Variants in DLG2 observed in about 807,000 individuals in gnomAD.
DLG2 encodes discs large MAGUK scaffold protein 2.
DLG2 carries 45 observed loss-of-function variants against 132.5 expected under a neutral mutation model. The ratio of observed to expected loss-of-function variants is 0.34; its 90% CI spans 0.27 to 0.44. The LOEUF is 0.44. Ranked by LOEUF, DLG2 falls within the 20% of genes least tolerant of loss-of-function variation. The pLI, the probability that DLG2 is intolerant of heterozygous loss-of-function variation, is 1.00. For missense variants in DLG2, 1,045 were observed against 1,196.9 expected (o/e 0.87, Z 1.87); for synonymous variants, 424 against 419.6 (o/e 1.01, Z -0.13).
intron 3 of DLG2, among the ~76,000 whole-genome samples, chr11:85,387,680 CA>C (rs1353722870): frequency 1.3e-5 from 2 of 152,174 alleles, no homozygotes; most frequent in African/African-American, 4.8e-5. Flanking sequence ...CCACCATGTG[CA>C]AAAGGGCATC....
chr11:84,041,147 C>A (rs2096067984), intron 11 of DLG2, among the ~76,000 whole-genome samples: 1 of 151,976 alleles, frequency 6.6e-6, no homozygotes, highest in Non-Finnish European at 1.5e-5. Context: ...TTTTAAAAAG[C>A]TGAATGGCAT....
intron 8 of DLG2, among the ~76,000 whole-genome samples, chr11:84,204,602 T>C (rs2096641750): frequency 6.6e-6 from 1 of 152,186 alleles, no homozygotes; most frequent in Admixed American, 6.5e-5. Flanking sequence ...ATAATTATTA[T>C]TTATATTAAA....
At chr11:84,161,509 T>C (rs1486296401) in intron 9 of DLG2, among the ~76,000 whole-genome samples, 1 of 152,130 alleles carries the variant, frequency 6.6e-6, no homozygotes, top group Non-Finnish European at 1.5e-5. Context: ...GGCAGGAAGT[T>C]AGCAAGGTAA....
chr11:83,491,165 T>G (rs1303744236), intron 21 of DLG2, among the ~76,000 whole-genome samples: 3 of 150,422 alleles, frequency 2.0e-5, no homozygotes, highest in African/African-American at 7.3e-5. Context: ...TTTTTGTTAC[T>G]ACTTCAAATC....
chr11:83,793,574 G>T (rs189481559), intron 17 of DLG2, among the ~76,000 whole-genome samples: 1 of 152,172 alleles, frequency 6.6e-6, no homozygotes, highest in East Asian at 1.9e-4. Context: ...TAAGAAAACT[G>T]CATGGAAAAA....
chr11:85,359,519 A>G (rs1259311405), intron 3 of DLG2, among the ~76,000 whole-genome samples: 1 of 152,236 alleles, frequency 6.6e-6, no homozygotes, highest in East Asian at 1.9e-4. Flanking sequence ...TCTGATGTGT[A>G]CATAGTGCTA....
In DLG2 at chr11:83,835,430, G is replaced by GA. The variant is rs2055868432; in HGVS notation, c.1566-1661dup. Among the ~76,000 whole-genome samples, 3 of 152,212 alleles carry GA rather than the reference G, an allele frequency of 2.0e-5. No homozygotes were observed. In the South Asian group the frequency reaches 6.2e-4, roughly 32 times the overall value. ...GATGGATTGAGAAGGTGACATTTTA[G>GA]AAAAAATTGAAGAGGTGAGGAAACT... On this transcript the variant is annotated intron_variant, in intron 16 of 27. Coordinates refer to ENST00000376104, the MANE Select transcript of DLG2 (RefSeq NM_001142699.3).
At chr11:83,668,719 ATATAAACACATATATAT>A (rs2076212770) in intron 18 of DLG2, among the ~76,000 whole-genome samples, 1 of 78,450 alleles carries the variant, frequency 1.3e-5, no homozygotes, top group Non-Finnish European at 2.3e-5. Context: ...ATATATGTGT[ATATAAACACATATATAT>A]GTGTATATAA....
intron 6 of DLG2, among the ~76,000 whole-genome samples, chr11:84,945,876 T>G (rs560591416): frequency 2.0e-5 from 3 of 152,232 alleles, no homozygotes; most frequent in South Asian, 4.1e-4. Flanking sequence ...AAGAAGCCAC[T>G]TGGTGCTCTA....
intron 4 of DLG2, among the ~76,000 whole-genome samples, chr11:85,211,035 T>C (rs1020478029): frequency 6.6e-6 from 1 of 152,142 alleles, no homozygotes; most frequent in African/African-American, 2.4e-5. Context: ...ATAAAACTTA[T>C]AGCATATTCA....
chr11:84,954,907 A>G (rs546903327), intron 6 of DLG2, among the ~76,000 whole-genome samples: 9 of 152,288 alleles, frequency 5.9e-5, no homozygotes, highest in African/African-American at 2.2e-4. Context: ...TCTCTTCTGT[A>G]CTACACGAGG....
chr11:85,127,533 A>G (rs2075273903), intron 5 of DLG2, among the ~76,000 whole-genome samples: 1 of 152,154 alleles, frequency 6.6e-6, no homozygotes, highest in Admixed American at 6.5e-5. Context: ...CATTAGACGA[A>G]AGGTTCCATG....
At chr11:84,675,155 C>A (rs1483969072) in intron 6 of DLG2, among the ~76,000 whole-genome samples, 3 of 152,096 alleles carry the variant, frequency 2.0e-5, no homozygotes, top group Non-Finnish European at 4.4e-5. Flanking sequence ...CCCCCTCTAT[C>A]CAGAGTGTTG....
chr11:84,525,194 C>T (rs548083544), intron 7 of DLG2, among the ~76,000 whole-genome samples: 15 of 152,228 alleles, frequency 9.9e-5, no homozygotes, highest in East Asian at 9.7e-4. Context: ...ACACTGAAAA[C>T]GTCAAAGTTT....
At chr11:84,266,270 A>G (rs1160508470) in intron 7 of DLG2, among the ~76,000 whole-genome samples, 2 of 152,198 alleles carry the variant, frequency 1.3e-5, no homozygotes, top group African/African-American at 2.4e-5. Context: ...TAAAGATAGC[A>G]GGCTCTTGCT....
chr11:84,928,866 T>C (rs1481092773), intron 6 of DLG2, among the ~76,000 whole-genome samples: 1 of 150,256 alleles, frequency 6.7e-6, no homozygotes, highest in Non-Finnish European at 1.5e-5. Context: ...ATATATAAAA[T>C]TGGATGTCAT....
chr11:83,787,323 G>C (rs7936939), intron 17 of DLG2, among the ~76,000 whole-genome samples: 1 of 118,206 alleles, frequency 8.5e-6, no homozygotes, highest in Non-Finnish European at 1.6e-5. Context: ...TTTTTTTTTT[G>C]TTTTTTTTTT....
chr11:84,452,908 G>C (rs897767191), intron 7 of DLG2, among the ~76,000 whole-genome samples: 11 of 151,214 alleles, frequency 7.3e-5, no homozygotes, highest in Admixed American at 6.0e-4. Flanking sequence ...GTTTAAAAAA[G>C]AATTACAAAT....
At chr11:83,534,781 A>G (rs1473574009) in intron 20 of DLG2, among the ~76,000 whole-genome samples, 2 of 152,152 alleles carry the variant, frequency 1.3e-5, no homozygotes, top group African/African-American at 4.8e-5. Context: ...TACTAAAAAT[A>G]CAAAAACAAA....
Sources: allele counts gnomAD v4.1 joint callset (sites outside exome capture counted in the v4.1 genomes callset), GRCh38; gene constraint gnomAD v4.1.1; transcripts MANE v1.5; gene names NCBI Gene and HGNC (gene_info 2026-07-23, HGNC 2026-07-21).